The following HMCN2 variants were observed in gnomAD, a reference collection of about 807,000 sequenced individuals.
HMCN2 encodes hemicentin 2, also known as hemicentin-2.
A neutral mutation model predicts 377.5 loss-of-function variants in HMCN2; 325 were observed. The ratio of observed to expected loss-of-function variants is 0.86; its 90% confidence interval spans 0.79 to 0.94. The LOEUF (loss-of-function observed/expected upper bound fraction) is 0.94, where lower values mean the gene tolerates loss of function less well. HMCN2 is among the 40% of genes least tolerant of loss of function. The pLI, the probability that HMCN2 is intolerant of heterozygous loss-of-function variation, is 0.00. For synonymous variants in HMCN2, 2,007 were observed against 2,046.8 expected, an observed-to-expected ratio of 0.98 and a Z score of 0.53; for missense variants, 4,543 against 4,725.3, an observed-to-expected ratio of 0.96 and a Z score of 1.13.
At chr9:130,427,742 G>T in intron 92 of HMCN2, 123 bp downstream of exon 92, 1 of 1,246,238 alleles carries the variant, frequency 8.0e-7, no homozygotes. Context: ...GCCAATTCTT[G>T]AGGGTTTTGA....
chr9:130,311,064 A>T (rs1483329218), intron 15 of HMCN2, among the ~76,000 whole-genome samples: 2 of 152,226 alleles, frequency 1.3e-5, no homozygotes, highest in African/African-American at 4.8e-5. Flanking sequence ...TCTCCATCCC[A>T]TATTGGAGTT....
intron 25 of HMCN2, among the ~76,000 whole-genome samples, chr9:130,345,605 A>AGTGTGGT (rs1280030559): frequency 1.8e-5 from 2 of 111,734 alleles, no homozygotes; most frequent in African/African-American, 3.5e-5. Context: ...TCGTGTGTGT[A>AGTGTGGT]GTGTGGTGTG....
chr9:130,425,399 G>C (rs749279650), intron 89 of HMCN2, among the ~76,000 whole-genome samples: 22 of 152,046 alleles, frequency 1.4e-4, no homozygotes, highest in Non-Finnish European at 2.9e-4. Flanking sequence ...GAGCTGCCTA[G>C]AGCAGCCCAG....
intron 15 of HMCN2, among the ~76,000 whole-genome samples, chr9:130,315,878 C>A (rs1419742796): frequency 6.6e-6 from 1 of 152,154 alleles, no homozygotes; most frequent in Non-Finnish European, 1.5e-5. Context: ...GGACACTAAT[C>A]CCCATGGTAG....
chr9:130,325,391 C>T (rs948311864), intron 19 of HMCN2, among the ~76,000 whole-genome samples: 12 of 152,186 alleles, frequency 7.9e-5, no homozygotes, highest in Admixed American at 7.2e-4. Context: ...CCACCATGTC[C>T]GACTGCTTTG....
chr9:130,414,240 G>C lies in HMCN2; in HGVS notation c.12961+3588G>C, dbSNP rs1019790317. On this transcript the variant is annotated intron_variant, in intron 85 of 97. Coordinates refer to ENST00000683500, the MANE Select transcript of HMCN2 (RefSeq NM_001291815.2). The surrounding 1 kb of genome is among the most constrained non-coding windows in gnomAD (Gnocchi z 4.4). ...CTACTGAGTGGGAAGCTCCTCCCCCGTGTGGCCAGGTGGGCAGCGAGGGTA... is the reference window on the plus strand; with the variant it reads ...CTACTGAGTGGGAAGCTCCTCCCCCCTGTGGCCAGGTGGGCAGCGAGGGTA... 1.3e-5 allele frequency among the ~76,000 whole-genome samples: 2 copies of C among 152,192 alleles called. No homozygotes were observed. Among genetic ancestry groups the C allele is most frequent in the African/African-American group, 2.4e-5 (1 of 41,514 alleles).
intron 58 of HMCN2, 40 bp from the exon 59 acceptor site, chr9:130,384,645 G>T (rs1335962756): frequency 1.5e-6 from 2 of 1,301,172 alleles, no homozygotes; most frequent in Non-Finnish European, 2.0e-6. Flanking sequence ...CTGGGGGCTG[G>T]GCTGGAATGC....
intron 32 of HMCN2, among the ~76,000 whole-genome samples, chr9:130,355,324 C>A (rs1027381675): frequency 1.3e-5 from 2 of 152,184 alleles, no homozygotes; most frequent in African/African-American, 4.8e-5. Flanking sequence ...CTGCCTTCTG[C>A]CAATGGAATG....
chr9:130,362,083 A>G lies in HMCN2; in HGVS notation c.6026A>G (p.Asn2009Ser), dbSNP rs1246782251. The G allele has an allele frequency of 6.1e-6, 6 of 985,928 alleles. No homozygotes were observed. Among genetic ancestry groups the G allele is most frequent in the Non-Finnish European group, 7.2e-6 (6 of 830,078 alleles). The allele number at this position is 985,928 out of a possible 1,614,324, so 61.1% of individuals were successfully genotyped here. Residue 2009 changes from asparagine (N) to serine (S), a missense_variant, in exon 39 of 98, where the codon AAT becomes AGT. Asn to Ser is a conservative substitution (Grantham distance 46). This residue lies in a region of HMCN2 where 1,032 missense variants were observed against 1,285.1 expected (regional missense o/e 0.80). Transcript: ENST00000683500. ...LVNTPVRLTC[N>S]ATGAPSPTLM... ...AACACCCCTGTCCGGCTGACCTGCA[A>G]TGCCACCGGTGCCCCCAGCCCCACA...
chr9:130,364,475 C>G (rs1013558690), intron 40 of HMCN2, among the ~76,000 whole-genome samples: 3 of 152,232 alleles, frequency 2.0e-5, no homozygotes, highest in Non-Finnish European at 1.5e-5. Flanking sequence ...AGAAATAACA[C>G]AGGGGGACCC....
In HMCN2 at chr9:130,372,328, G is replaced by A; in HGVS notation, c.7272G>A (p.Glu2424=). ...TGCTGAAGATGACTCAGACACAGGA[G>A]CAAGACAGTGGCCTCTACTCATGCC... The part of the protein sequence containing the change: ...GWMLKMTQTQ[E]QDSGLYSCLA... Residue 2424 remains glutamate, a synonymous_variant, in exon 47 of 98, where the codon GAG becomes GAA. Coordinates refer to ENST00000683500, the MANE Select transcript of HMCN2 (RefSeq NM_001291815.2). The A allele has an allele frequency of 4.1e-6, 4 of 985,942 alleles. No homozygotes were observed. Among genetic ancestry groups the A allele is most frequent in the Non-Finnish European group, 4.8e-6 (4 of 829,990 alleles). 61.1% of individuals were successfully genotyped at this position (985,942 alleles called of 1,614,324 possible). A position where few individuals can be genotyped will look rare whatever the true frequency, so the allele number is the denominator to read the frequency against.
chr9:130,431,378 T>C lies in HMCN2; in HGVS notation c.14659T>C (p.Cys4887Arg). Reference sequence around the variant, plus strand: ...CATGCCCGGGCCAGACCTTGACGAGTGCCGCGTGAGGAACCTGTGTCAGCA... The same window carrying C: ...CATGCCCGGGCCAGACCTTGACGAGCGCCGCGTGAGGAACCTGTGTCAGCA... ...QNGVCTDLDECRVRNLCQHAC... is the reference protein window; with the variant it reads ...QNGVCTDLDERRVRNLCQHAC... The change falls in exon 96 of 98, where the codon TGC becomes CGC. Residue 4887 changes from cysteine to arginine, a missense_variant. Around this residue, in one of 5 missense-constraint regions of HMCN2, gnomAD observed 1,155 missense variants for 1,157.7 expected, o/e 1.00. Transcript: ENST00000683500. The C allele has an allele frequency of 1.9e-6, 3 of 1,549,396 alleles. No individual in the cohort carries two copies. Among genetic ancestry groups the C allele is most frequent in the Non-Finnish European group, 2.6e-6 (3 of 1,146,590 alleles).
At chr9:130,407,813 C>A in intron 83 of HMCN2, 108 bp downstream of exon 83, 1 of 817,142 alleles carries the variant, frequency 1.2e-6, no homozygotes, top group Non-Finnish European at 1.6e-6. Context: ...ACTAGTGGTT[C>A]CCCACCCTGG....
At chr9:130,391,860 T>C in intron 65 of HMCN2, 75 bp from the exon 66 acceptor site, 5 of 887,294 alleles carry the variant, frequency 5.6e-6, no homozygotes, top group Non-Finnish European at 6.8e-6. Flanking sequence ...TCTCCACTTC[T>C]GGGATTTCCC....
intron 22 of HMCN2, among the ~76,000 whole-genome samples, chr9:130,330,146 G>T (rs1838350111): frequency 6.6e-6 from 1 of 151,988 alleles, no homozygotes. Flanking sequence ...TTACCTGGCT[G>T]ATGCGTCTGG....
intron 4 of HMCN2, among the ~76,000 whole-genome samples, chr9:130,290,500 C>T (rs192575804): frequency 1.3e-5 from 2 of 152,288 alleles, no homozygotes; most frequent in Admixed American, 1.3e-4. Context: ...TGATGCTTCC[C>T]TCCTGACCCC....
In HMCN2 at chr9:130,382,239, G is replaced by C; in HGVS notation, c.8487G>C (p.Ser2829=). The part of the protein sequence containing the change: ...LVRAENAGRY[S]CKASNEVGED... ...GGGCAGAGAACGCCGGGAGGTACTC[G>C]TGCAAGGCCTCCAACGAGGTGGGCG... is the stretch of plus-strand genomic sequence containing the variant. Residue 2829 remains serine (S), a synonymous_variant, in exon 55 of 98, where the codon TCG becomes TCC. Coordinates refer to ENST00000683500, the MANE Select transcript of HMCN2 (RefSeq NM_001291815.2). The C allele has an allele frequency of 1.0e-6, 1 of 985,848 alleles. No homozygotes were observed. The highest frequency in any genetic ancestry group is 1.2e-6 in the Non-Finnish European group (1 of 829,934). The allele number at this position is 985,848 out of a possible 1,614,324, so 61.1% of individuals were successfully genotyped here. A position where few individuals can be genotyped will look rare whatever the true frequency, so the allele number is the denominator to read the frequency against.
rs781184635 is a variant in HMCN2, at chr9:130,385,541, T to C, written c.9107-19T>C. 91 of 1,299,388 alleles carry C rather than the reference T, an allele frequency of 7.0e-5. No homozygotes were observed. The highest frequency in any genetic ancestry group is 9.0e-5 in the Non-Finnish European group (89 of 984,752). The allele number at this position is 1,299,388 out of a possible 1,614,324, so 80.5% of individuals were successfully genotyped here. On this transcript the variant is annotated intron_variant, in intron 59 of 97. Coordinates refer to ENST00000683500, the MANE Select transcript of HMCN2 (RefSeq NM_001291815.2). ...CAGGGACAGCTGCAGCACCTCACTCTGCTATCTCCTGCCCCCAGTTCCCCC... is the reference window on the plus strand; with the variant it reads ...CAGGGACAGCTGCAGCACCTCACTCCGCTATCTCCTGCCCCCAGTTCCCCC...
chr9:130,330,071 G>GTCCTTCCTTC (rs1464956424), intron 22 of HMCN2, among the ~76,000 whole-genome samples: 3 of 137,224 alleles, frequency 2.2e-5, no homozygotes, highest in African/African-American at 8.2e-5. Flanking sequence ...TGTCTTCCTT[G>GTCCTTCCTTC]TCCTTCCTTC....
Sources: gnomAD v4.1 joint callset for allele counts (sites outside exome capture counted in the v4.1 genomes callset) on GRCh38, gnomAD v4.1.1 for gene constraint, gnomAD v4.1.1 regional missense constraint, Gnocchi (gnomAD v3.1) non-coding constraint, MANE v1.5 for transcripts, NCBI Gene and HGNC (gene_info 2026-07-23, HGNC 2026-07-21) for gene names.